Variants in METTL25 observed in about 807,000 individuals in gnomAD.
METTL25 encodes the protein probable methyltransferase-like protein 25.
In METTL25, 64 loss-of-function variants were observed where a neutral mutation model predicts 71.6. The ratio of observed to expected loss-of-function variants is 0.89; its 90% CI spans 0.73 to 1.10. METTL25 has a LOEUF of 1.10. METTL25 is among the 50% of genes least tolerant of loss of function. METTL25 has a pLI of 0.00. For missense variants in METTL25, 807 were observed against 707.0 expected (o/e 1.14, Z -1.60); for synonymous variants, 287 against 250.3 (o/e 1.15, Z -1.38).
At chr12:82,390,009 G>A (rs902665391) in intron 3 of METTL25, 87 bp downstream of exon 3, 8 of 736,242 alleles carry the variant, frequency 1.1e-5, no homozygotes, top group Middle Eastern at 2.6e-4. Flanking sequence ...CTGTCAGCTA[G>A]CCTTTAAAAT....
intron 11 of METTL25, among the ~76,000 whole-genome samples, 166 bp from the exon 12 acceptor site, chr12:82,478,766 T>G (rs1490820097): frequency 6.6e-6 from 1 of 151,966 alleles, no homozygotes; most frequent in Non-Finnish European, 1.5e-5. Context: ...TAAACTTTTT[T>G]GAAGGTGTAA....
intron 1 of METTL25, among the ~76,000 whole-genome samples, chr12:82,383,468 A>AT (rs771116882): frequency 2.0e-5 from 3 of 152,194 alleles, no homozygotes; most frequent in Admixed American, 6.5e-5. Context: ...ACTTTGATAC[A>AT]TTACAGCCTT....
intron 1 of METTL25, chr12:82,369,469 G>A (rs768176293): frequency 1.4e-4 from 63 of 449,914 alleles, no homozygotes; most frequent in Non-Finnish European, 2.1e-4. Context: ...TGGTGTGTCC[G>A]GAGTTTCTTC....
intron 5 of METTL25, among the ~76,000 whole-genome samples, chr12:82,405,442 C>A (rs1887013556): frequency 6.6e-6 from 1 of 151,864 alleles, no homozygotes; most frequent in Non-Finnish European, 1.5e-5. Flanking sequence ...TTTATGGTAA[C>A]CAGAAGGTGT....
intron 5 of METTL25, among the ~76,000 whole-genome samples, chr12:82,404,827 G>A (rs1019873396): frequency 7.2e-5 from 11 of 151,886 alleles, no homozygotes; most frequent in East Asian, 3.9e-4. Context: ...GCCTGTAATC[G>A]CAGCTACCCT....
intron 2 of METTL25, chr12:82,388,938 C>A (rs1344733141): frequency 6.6e-6 from 1 of 152,026 alleles, no homozygotes; most frequent in Non-Finnish European, 1.5e-5. Flanking sequence ...GCACTTAACA[C>A]CTGGAAAGAC....
chr12:82,387,711 A>ACG (rs1002101068), intron 2 of METTL25, among the ~76,000 whole-genome samples: 17 of 32,166 alleles, frequency 5.3e-4, no homozygotes, highest in South Asian at 7.2e-3. Flanking sequence ...CTACACACAC[A>ACG]CGCGCACACA....
At chr12:82,369,330 G>A (rs10778897) in intron 1 of METTL25, 300,029 of 317,810 alleles carry the variant, frequency 0.94, 142,096 homozygotes, top group East Asian at 1. Flanking sequence ...TATAGTAAGT[G>A]ACACATAGTA....
intron 11 of METTL25, 81 bp downstream of exon 11, chr12:82,477,433 GTCTT>G (rs1452099798): frequency 8.1e-5 from 53 of 652,106 alleles, no homozygotes; most frequent in Non-Finnish European, 1.3e-4. Context: ...TAGGATAAGA[GTCTT>G]TCACATAAAA....
At chr12:82,477,173 C>T (rs1892922919) in intron 10 of METTL25, 108 bp from the exon 11 acceptor site, 1 of 524,128 alleles carries the variant, frequency 1.9e-6, no homozygotes, top group African/African-American at 2.0e-5. Flanking sequence ...GAGATTCAGC[C>T]TATATAAACT....
At chr12:82,461,710 C>CA (rs55899416) in intron 9 of METTL25, among the ~76,000 whole-genome samples, 128,026 of 151,262 alleles carry the variant, frequency 0.85, 54,491 homozygotes, top group East Asian at 0.99. Context: ...GAAATAAAGG[C>CA]AAAAAAAAAT....
intron 9 of METTL25, among the ~76,000 whole-genome samples, chr12:82,470,464 C>G (rs1294158863): frequency 6.6e-6 from 1 of 152,132 alleles, no homozygotes; most frequent in Non-Finnish European, 1.5e-5. Context: ...TGATTAAACA[C>G]TTTTATGCTG....
rs568449524 is a variant in METTL25, at chr12:82,358,870, G to A, written c.259+46G>A. The A allele has an allele frequency of 2.7e-5, 42 of 1,555,756 alleles. No homozygotes were observed. In the South Asian group the frequency reaches 3.9e-4, roughly 14 times the overall value. ...GGCGGGAAGGGAGGCGGAGGAGAAG[G>A]TCCCGGCAGACGAAGCGAGCCCCCT... On this transcript the variant is annotated intron_variant, in intron 1 of 11. Transcript: ENST00000248306.
At chr12:82,421,695 A>C (rs1008571729) in intron 5 of METTL25, among the ~76,000 whole-genome samples, 8 of 152,162 alleles carry the variant, frequency 5.3e-5, no homozygotes, top group Non-Finnish European at 1.0e-4. Context: ...TAGATGCAAT[A>C]AAAAATGATA....
chr12:82,406,318 A>C (rs1314505003), intron 5 of METTL25, among the ~76,000 whole-genome samples: 3 of 152,210 alleles, frequency 2.0e-5, no homozygotes, highest in Non-Finnish European at 4.4e-5. Context: ...TAACAAAGGA[A>C]AAGAAAATAC....
Position 82,400,599 on chromosome 12 carries a change from T to G in METTL25, c.1131+1205T>G, listed in dbSNP as rs1886531109. Among the ~76,000 whole-genome samples, 3 of 141,454 alleles carry G rather than the reference T, an allele frequency of 2.1e-5. No individual in the cohort carries two copies. The Admixed American group carries it at 2.2e-4, about 10-fold the overall frequency. 92.8% of individuals were successfully genotyped at this position (141,454 alleles called of 152,430 possible). On this transcript the variant is annotated intron_variant, in intron 4 of 11. Coordinates refer to ENST00000248306, the MANE Select transcript of METTL25 (RefSeq NM_032230.3). ...GACTTTAGTTTAACTTAAATGTAAA[T>G]TTCTAGTACATTTTGTCACCTTCTA...
At chr12:82,379,040 A>G (rs1369270706) in intron 1 of METTL25, among the ~76,000 whole-genome samples, 1 of 149,136 alleles carries the variant, frequency 6.7e-6, no homozygotes, top group African/African-American at 2.6e-5. Flanking sequence ...TCAAAAGACA[A>G]CAACAGCAAC....
At chr12:82,464,331 G>T (rs566090933) in intron 9 of METTL25, among the ~76,000 whole-genome samples, 1 of 151,926 alleles carries the variant, frequency 6.6e-6, no homozygotes, top group South Asian at 2.1e-4. Context: ...TCAGCATATG[G>T]ATATTCAGTT....
chr12:82,406,716 A>C (rs1887129616), intron 5 of METTL25, among the ~76,000 whole-genome samples: 1 of 152,094 alleles, frequency 6.6e-6, no homozygotes, highest in South Asian at 2.1e-4. Context: ...TAGTTTCAAA[A>C]TAATATAGTA....
Sources: gnomAD v4.1 joint callset for allele counts (sites outside exome capture counted in the v4.1 genomes callset) on GRCh38, gnomAD v4.1.1 for gene constraint, MANE v1.5 for transcripts, NCBI Gene and HGNC (gene_info 2026-07-23, HGNC 2026-07-21) for gene names.